Variants in GGNBP2 observed in about 807,000 individuals in gnomAD.
GGNBP2 encodes gametogenetin binding protein 2, also known as gametogenetin-binding protein 2.
Under a neutral mutation model 85.9 loss-of-function variants are expected in GGNBP2, and 10 were observed. That is an observed-to-expected ratio of 0.12 (90% CI 0.07 to 0.20). GGNBP2 has a LOEUF of 0.20. Ranked by LOEUF, GGNBP2 falls within the 10% of genes least tolerant of loss-of-function variation. GGNBP2 has a pLI of 1.00. For synonymous variants in GGNBP2, 287 were observed against 285.7 expected (o/e 1.00, Z -0.05); for missense variants, 595 against 857.8 (o/e 0.69, Z 3.83).
At chr17:36,588,646 A>G (rs1663730524) in intron 13 of GGNBP2, among the ~76,000 whole-genome samples, 1 of 150,758 alleles carries the variant, frequency 6.6e-6, no homozygotes, top group Non-Finnish European at 1.5e-5. Flanking sequence ...CCCAGGCTAG[A>G]TAGAGTGCAG....
intron 6 of GGNBP2, among the ~76,000 whole-genome samples, chr17:36,574,207 C>A (rs1555607305): frequency 1.3e-5 from 2 of 152,028 alleles, no homozygotes; most frequent in Non-Finnish European, 2.9e-5. Flanking sequence ...GAGCATACTG[C>A]GTTGCAGATC....
At chr17:36,566,600 G>T (rs1215869931) in intron 5 of GGNBP2, among the ~76,000 whole-genome samples, 1 of 151,958 alleles carries the variant, frequency 6.6e-6, no homozygotes. Flanking sequence ...GATCACTTGA[G>T]CCCCTGCAGG....
intron 9 of GGNBP2, among the ~76,000 whole-genome samples, chr17:36,585,038 C>T (rs1395339772): frequency 6.6e-6 from 1 of 151,800 alleles, no homozygotes; most frequent in Non-Finnish European, 1.5e-5. Context: ...CAGAGACATT[C>T]ATAAGTGAAA....
chr17:36,549,801 CTG>C (rs1254527233), intron 2 of GGNBP2, among the ~76,000 whole-genome samples: 1 of 152,124 alleles, frequency 6.6e-6, no homozygotes, highest in African/African-American at 2.4e-5. Flanking sequence ...TATGAATAAA[CTG>C]TAAGAACATA....
chr17:36,585,793 A>G (rs2074694858), intron 10 of GGNBP2, 47 bp from the exon 11 acceptor site: 1 of 1,549,872 alleles, frequency 6.5e-7, no homozygotes, highest in Non-Finnish European at 8.9e-7. Flanking sequence ...TTGTCCTAAT[A>G]TACTTATTGG....
chr17:36,567,825 C>A lies in GGNBP2; in HGVS notation c.641+49C>A, dbSNP rs530220092. 160 of 955,124 alleles carry A rather than the reference C, an allele frequency of 1.7e-4. 1 individual carries two copies. In the African/African-American group the frequency reaches 2.3e-3, roughly 14 times the overall value. The allele number at this position is 955,124 out of a possible 1,614,324, so 59.2% of individuals were successfully genotyped here. On this transcript the variant is annotated intron_variant, in intron 6 of 13. Coordinates refer to ENST00000613102, the MANE Select transcript of GGNBP2 (RefSeq NM_024835.5). ...ATAATGTGGAAGGTGCCTTATGTGT[C>A]AGTCACCTAGAGTGGCCTGTCACTG...
intron 7 of GGNBP2, chr17:36,578,452 T>G: frequency 2.6e-6 from 1 of 382,574 alleles, no homozygotes. Flanking sequence ...TGTTACAGAC[T>G]ATCATTTTCA....
At position 36,589,464 on chromosome 17, in the gene GGNBP2, CTTCTCTT is replaced by C; in HGVS notation, c.*55_*61del. 1 of 1,366,194 alleles carries C rather than the reference CTTCTCTT, an allele frequency of 7.3e-7. No individual in the cohort carries two copies. Among genetic ancestry groups the C allele is most frequent in the Non-Finnish European group, 1.0e-6 (1 of 975,298 alleles). The allele number at this position is 1,366,194 out of a possible 1,614,324, so 84.6% of individuals were successfully genotyped here. ...GAAACACTCACGATGACTACTGCGC[CTTCTCTT>C]TCGAAAAACTCTTAATTTAGTGACT... On this transcript the variant is annotated 3_prime_UTR_variant, in exon 14 of 14. Transcript: ENST00000613102.
At chr17:36,552,739 G>T (rs879748125) in intron 2 of GGNBP2, among the ~76,000 whole-genome samples, 1 of 152,200 alleles carries the variant, frequency 6.6e-6, no homozygotes, top group Non-Finnish European at 1.5e-5. Flanking sequence ...TATTGAAATG[G>T]GTCAGGCGTG....
intron 6 of GGNBP2, among the ~76,000 whole-genome samples, chr17:36,573,941 G>A (rs1263630492): frequency 1.3e-5 from 2 of 151,950 alleles, no homozygotes; most frequent in Non-Finnish European, 2.9e-5. Context: ...GCATGATCAC[G>A]GCTTTGCCCA....
intron 13 of GGNBP2, among the ~76,000 whole-genome samples, chr17:36,588,036 G>A (rs1453932366): frequency 6.6e-6 from 1 of 152,162 alleles, no homozygotes; most frequent in African/African-American, 2.4e-5. Context: ...GCAAGTTATG[G>A]TAGCCACCCT....
chr17:36,560,882 T>C lies in GGNBP2; in HGVS notation c.527+11T>C, dbSNP rs1157983999. The stretch of plus-strand genomic sequence containing the variant: ...GCCAAAACCTTTGGGGTAAGTAGAA[T>C]TGAATACCAAGAGGCTTTGTCATTG... On this transcript the variant is annotated intron_variant, in intron 5 of 13. Coordinates refer to ENST00000613102, the MANE Select transcript of GGNBP2 (RefSeq NM_024835.5). 6.7e-6 allele frequency: 9 copies of C among 1,345,066 alleles called. No homozygotes were observed. In the Middle Eastern group the frequency reaches 5.5e-4, roughly 83 times the overall value. The allele number at this position is 1,345,066 out of a possible 1,614,324, so 83.3% of individuals were successfully genotyped here.
intron 3 of GGNBP2, among the ~76,000 whole-genome samples, chr17:36,555,941 CTG>C (rs2074357270): frequency 1.3e-5 from 2 of 152,172 alleles, no homozygotes; most frequent in African/African-American, 4.8e-5. Context: ...GGAGGGCTGA[CTG>C]TAATTAAGAT....
Position 36,577,980 on chromosome 17 carries a change from C to T in GGNBP2, c.642-3C>T, listed in dbSNP as rs772213307. The T allele has an allele frequency of 1.2e-6, 2 of 1,611,518 alleles. No individual in the cohort carries two copies. Among genetic ancestry groups the T allele is most frequent in the South Asian group, 1.1e-5 (1 of 91,022 alleles). On this transcript the variant is annotated splice_polypyrimidine_tract_variant and splice_region_variant and intron_variant, in intron 6 of 13. Transcript: ENST00000613102. The stretch of plus-strand genomic sequence containing the variant: ...TTAATTTTAAGGTTTTTCTTTTCAA[C>T]AGGTTTTGCACTGATTGCAAAAATA...
intron 5 of GGNBP2, among the ~76,000 whole-genome samples, chr17:36,561,150 G>A (rs896072324): frequency 1.3e-5 from 2 of 151,392 alleles, no homozygotes; most frequent in African/African-American, 2.4e-5. Context: ...TTGAGACGGA[G>A]TCTCCCTTTA....
intron 13 of GGNBP2, among the ~76,000 whole-genome samples, chr17:36,587,956 G>A (rs1250608434): frequency 6.6e-6 from 1 of 152,202 alleles, no homozygotes; most frequent in East Asian, 1.9e-4. Flanking sequence ...AAAGGATAGA[G>A]GTAGCATTGT....
intron 5 of GGNBP2, among the ~76,000 whole-genome samples, chr17:36,565,164 G>A (rs2074455906): frequency 6.6e-6 from 1 of 152,178 alleles, no homozygotes; most frequent in South Asian, 2.1e-4. Flanking sequence ...AAGTTATCAA[G>A]GACCCAAAAG....
chr17:36,575,637 TA>T lies in GGNBP2; in HGVS notation c.642-2345del, dbSNP rs1567829628. Reference sequence around the variant, plus strand: ...ACATATATATATATATATATATATATATATATATATATTTTTTTTTTTTTTT... The same window carrying T: ...ACATATATATATATATATATATATATTATATATATATTTTTTTTTTTTTTT... On this transcript the variant is annotated intron_variant, in intron 6 of 13. Transcript: ENST00000613102. 9.2e-3 allele frequency among the ~76,000 whole-genome samples: 676 copies of T among 73,840 alleles called. 7 individuals carry two copies. Among genetic ancestry groups the T allele is most frequent in the East Asian group, 0.021 (47 of 2,242 alleles). The allele number at this position is 73,840 out of a possible 152,430, so 48.4% of individuals were successfully genotyped here. A position where few individuals can be genotyped will look rare whatever the true frequency, so the allele number is the denominator to read the frequency against.
chr17:36,567,789 G>T lies in GGNBP2; in HGVS notation c.641+13G>T. The T allele has an allele frequency of 2.2e-6, 3 of 1,386,702 alleles. No homozygotes were observed. Among genetic ancestry groups the T allele is most frequent in the East Asian group, 2.3e-5 (1 of 43,758 alleles). 85.9% of individuals were successfully genotyped at this position (1,386,702 alleles called of 1,614,324 possible). A position where few individuals can be genotyped will look rare whatever the true frequency, so the allele number is the denominator to read the frequency against. ...TGCGAAAACACAGGTAAGTCTGATG[G>T]TTGTTCCAGTATAATGTGGAAGGTG... On this transcript the variant is annotated intron_variant, in intron 6 of 13. Transcript: ENST00000613102.
Sources: allele counts gnomAD v4.1 joint callset (sites outside exome capture counted in the v4.1 genomes callset), GRCh38; gene constraint gnomAD v4.1.1; transcripts MANE v1.5; gene names NCBI Gene and HGNC (gene_info 2026-07-23, HGNC 2026-07-21).